CSMD1: variants seen among roughly 807,000 people sequenced by gnomAD.
The protein encoded by CSMD1 is CUB and sushi domain-containing protein 1.
A neutral mutation model predicts 417.5 loss-of-function variants in CSMD1; 213 were observed. That is an observed-to-expected ratio of 0.51 (90% CI 0.46 to 0.57). The LOEUF is 0.57. Among genes scored for constraint, CSMD1 ranks in the 20% least tolerant of loss-of-function variants. The pLI is 0.00. For missense variants in CSMD1, 6,923 were observed against 4,529.7 expected, an observed-to-expected ratio of 1.53 and a Z score of -15.17; for synonymous variants, 2,862 against 1,736.8, an observed-to-expected ratio of 1.65 and a Z score of -16.11.
chr8:3,062,016 T>A (rs1023003836), intron 49 of CSMD1, among the ~76,000 whole-genome samples: 1 of 152,172 alleles, frequency 6.6e-6, no homozygotes, highest in Non-Finnish European at 1.5e-5. Flanking sequence ...TTTCACCATA[T>A]GTATATTTAC....
chr8:3,356,956 G>C (rs935235779), intron 21 of CSMD1, among the ~76,000 whole-genome samples: 1 of 152,086 alleles, frequency 6.6e-6, no homozygotes, highest in African/African-American at 2.4e-5. Context: ...TTTGGAGAGA[G>C]CATTCTGGGA....
intron 1 of CSMD1, among the ~76,000 whole-genome samples, chr8:4,974,487 G>A (rs76956314): frequency 0.023 from 3,360 of 148,592 alleles, 144 homozygotes; most frequent in African/African-American, 0.079. Context: ...ACATGTTGAT[G>A]GAGAATGATC....
chr8:4,455,635 T>G (rs1019702076), intron 2 of CSMD1, among the ~76,000 whole-genome samples: 7 of 151,700 alleles, frequency 4.6e-5, no homozygotes, highest in African/African-American at 1.7e-4. Context: ...AGGAAAAACA[T>G]AAAACGCAAT....
intron 37 of CSMD1, among the ~76,000 whole-genome samples, chr8:3,178,419 G>A (rs1046731001): frequency 6.6e-6 from 1 of 151,750 alleles, no homozygotes; most frequent in Admixed American, 6.6e-5. Flanking sequence ...ATTTTTCAGA[G>A]AGCACTGACC....
Position 3,032,993 on chromosome 8 carries a change from GAAT to G in CSMD1, c.7661-3483_7661-3481del, listed in dbSNP as rs562441270. ...ATACCACTTTTACTCAAGTCCAAGAGAATAATACCACGGCAACTTGACACTTCT... is the reference window on the plus strand; with the variant it reads ...ATACCACTTTTACTCAAGTCCAAGAGAATACCACGGCAACTTGACACTTCT... On this transcript the variant is annotated intron_variant, in intron 50 of 69. Coordinates refer to ENST00000635120, the MANE Select transcript of CSMD1 (RefSeq NM_033225.6). 4.6e-3 allele frequency among the ~76,000 whole-genome samples: 707 copies of G among 152,046 alleles called. 4 individuals carry two copies. The highest frequency in any genetic ancestry group is 0.016 in the African/African-American group (643 of 41,478).
At chr8:4,586,167 C>A (rs1283335211) in intron 2 of CSMD1, among the ~76,000 whole-genome samples, 2 of 152,110 alleles carry the variant, frequency 1.3e-5, no homozygotes, top group African/African-American at 4.8e-5. Context: ...TAAAAACATG[C>A]CAATTCCACT....
chr8:3,905,847 C>T (rs925019068), intron 5 of CSMD1, among the ~76,000 whole-genome samples: 1 of 152,220 alleles, frequency 6.6e-6, no homozygotes, highest in Non-Finnish European at 1.5e-5. Context: ...CTAGTTCCTT[C>T]CGGACTGTGG....
chr8:3,037,226 G>C (rs1447357382), intron 50 of CSMD1, among the ~76,000 whole-genome samples: 1 of 140,794 alleles, frequency 7.1e-6, no homozygotes, highest in Non-Finnish European at 1.6e-5. Context: ...GTTTTTTTGA[G>C]ACGGAGTCTC....
chr8:3,228,697 A>G (rs1166976281), intron 27 of CSMD1, among the ~76,000 whole-genome samples: 1 of 152,154 alleles, frequency 6.6e-6, no homozygotes, highest in African/African-American at 2.4e-5. Flanking sequence ...ATATAAATTA[A>G]TAAATTACTT....
intron 4 of CSMD1, among the ~76,000 whole-genome samples, chr8:4,020,525 G>A (rs894818412): frequency 6.6e-6 from 1 of 152,146 alleles, no homozygotes; most frequent in Non-Finnish European, 1.5e-5. Flanking sequence ...TTTCTGGATG[G>A]GTGAACATCT....
At chr8:3,089,030 T>C (rs529065849) in intron 48 of CSMD1, among the ~76,000 whole-genome samples, 5 of 152,198 alleles carry the variant, frequency 3.3e-5, no homozygotes, top group African/African-American at 1.2e-4. Context: ...CCCCTCAACA[T>C]ACCTCTTCTT....
chr8:4,930,470 T>G (rs1807173605), intron 1 of CSMD1, among the ~76,000 whole-genome samples: 2 of 152,160 alleles, frequency 1.3e-5, no homozygotes, highest in Non-Finnish European at 2.9e-5. Context: ...CTTATTAGTT[T>G]ACTCAGCACA....
At chr8:4,006,824 T>TG in intron 4 of CSMD1, among the ~76,000 whole-genome samples, 1 of 9,242 alleles carries the variant, frequency 1.1e-4, no homozygotes, top group Non-Finnish European at 2.1e-4. Context: ...ACTTTTCCTA[T>TG]TTTTTTTTTT....
intron 1 of CSMD1, among the ~76,000 whole-genome samples, chr8:4,816,842 G>A (rs1206168869): frequency 6.6e-6 from 1 of 152,104 alleles, no homozygotes; most frequent in Non-Finnish European, 1.5e-5. Context: ...GCAATTAATG[G>A]TATACAGGAA....
In CSMD1 at chr8:3,916,078, T is replaced by C. The variant is rs183937298; in HGVS notation, c.818+81825A>G. Among the ~76,000 whole-genome samples the C allele has an allele frequency of 1.3e-5, 2 of 151,884 alleles. 1 individual carries two copies. The highest frequency in any genetic ancestry group is 4.2e-4 in the South Asian group (2 of 4,804). On this transcript the variant is annotated intron_variant, in intron 5 of 69. Transcript: ENST00000635120. ...ACTTTGCTTTTCAAAGTGTCTGCTC[T>C]GGAAGTCTTTGACTCAATGATTCTG... is the stretch of plus-strand genomic sequence containing the variant.
intron 3 of CSMD1, among the ~76,000 whole-genome samples, chr8:4,070,033 C>G (rs1051025590): frequency 6.6e-6 from 1 of 151,840 alleles, no homozygotes; most frequent in Non-Finnish European, 1.5e-5. Context: ...TTTTAATTAA[C>G]TTATTGGTGT....
intron 1 of CSMD1, among the ~76,000 whole-genome samples, chr8:4,944,480 C>G (rs1329398018): frequency 6.6e-6 from 1 of 152,066 alleles, no homozygotes; most frequent in Non-Finnish European, 1.5e-5. Flanking sequence ...ACCCAGACAC[C>G]AAACAGATCT....
At chr8:3,248,414 G>A (rs1031867647) in intron 26 of CSMD1, among the ~76,000 whole-genome samples, 1 of 150,866 alleles carries the variant, frequency 6.6e-6, no homozygotes, top group Non-Finnish European at 1.5e-5. Context: ...TAAAACTGGA[G>A]TTTCAGAAGA....
At chr8:3,448,023 C>T (rs1048031249) in intron 12 of CSMD1, among the ~76,000 whole-genome samples, 6 of 151,958 alleles carry the variant, frequency 3.9e-5, no homozygotes, top group South Asian at 2.1e-4. Flanking sequence ...GACCTCCTAA[C>T]CCTGGATACA....
Sources: gnomAD v4.1 joint callset for allele counts (sites outside exome capture counted in the v4.1 genomes callset) on GRCh38, gnomAD v4.1.1 for gene constraint, MANE v1.5 for transcripts, NCBI Gene and HGNC (gene_info 2026-07-23, HGNC 2026-07-21) for gene names.